Variants in WDR25 observed in about 807,000 individuals in gnomAD.
WDR25 encodes the protein WD repeat-containing protein 25.
A neutral mutation model predicts 47.7 loss-of-function variants in WDR25; 35 were observed. The observed-to-expected ratio is 0.73, with a 90% confidence interval of 0.56 to 0.97. The LOEUF (loss-of-function observed/expected upper bound fraction) is 0.97, where lower values mean the gene tolerates loss of function less well. WDR25 is among the 50% of genes least tolerant of loss of function. The probability of loss-of-function intolerance (pLI) is 0.00; values close to 1 mark genes in which losing one functional copy is unlikely to be tolerated. For missense variants in WDR25, 634 were observed against 704.7 expected, an observed-to-expected ratio of 0.90 and a Z score of 1.14; for synonymous variants, 248 against 278.9, an observed-to-expected ratio of 0.89 and a Z score of 1.10.
chr14:100,380,864 A>G, intron 1 of WDR25, 46 bp from the exon 2 acceptor site: 4 of 1,521,408 alleles, frequency 2.6e-6, no homozygotes, highest in Non-Finnish European at 3.6e-6. Flanking sequence ...CTACATACAT[A>G]TTCTTCCATG....
chr14:100,474,751 T>C (rs762826722), intron 3 of WDR25, among the ~76,000 whole-genome samples: 3 of 152,200 alleles, frequency 2.0e-5, no homozygotes, highest in South Asian at 2.1e-4. Flanking sequence ...ATTTTTTGGA[T>C]AGGACTTAAA....
intron 2 of WDR25, among the ~76,000 whole-genome samples, chr14:100,446,438 C>T (rs1052127896): frequency 6.0e-5 from 9 of 150,676 alleles, no homozygotes; most frequent in Non-Finnish European, 1.2e-4. Context: ...GTAATCCCAG[C>T]TACTTGGGAG....
chr14:100,470,252 G>A (rs896296786), intron 3 of WDR25, among the ~76,000 whole-genome samples: 1 of 152,172 alleles, frequency 6.6e-6, no homozygotes, highest in Non-Finnish European at 1.5e-5. Flanking sequence ...AAAGCAGGAT[G>A]TAATATGGGG....
rs556136264 is a variant in WDR25, at chr14:100,465,626, T to A, written c.823-2395T>A. Among the ~76,000 whole-genome samples, 21 of 152,388 alleles carry A rather than the reference T, an allele frequency of 1.4e-4. No homozygotes were observed. The East Asian group carries it at 4.0e-3, about 29-fold the overall frequency. On this transcript the variant is annotated intron_variant, in intron 2 of 6. Transcript: ENST00000402312. ...TTCATCCATCCATAGACACTTGGAT[T>A]ACTCCCCTCTTTTGGCTATTATTAA... is the stretch of plus-strand genomic sequence containing the variant.
At chr14:100,460,112 A>AT (rs35102087) in intron 2 of WDR25, among the ~76,000 whole-genome samples, 1,412 of 129,658 alleles carry the variant, frequency 0.011, 25 homozygotes, top group African/African-American at 0.029. Flanking sequence ...TAGATACAAA[A>AT]TTTTTTTTTT....
At chr14:100,520,514 A>G (rs1200069485) in intron 4 of WDR25, among the ~76,000 whole-genome samples, 2 of 152,204 alleles carry the variant, frequency 1.3e-5, no homozygotes, top group East Asian at 1.9e-4. Flanking sequence ...TTAATAATGT[A>G]TATTCAACTA....
intron 2 of WDR25, among the ~76,000 whole-genome samples, chr14:100,443,485 C>T (rs888520409): frequency 5.9e-5 from 9 of 152,172 alleles, no homozygotes. Flanking sequence ...CTCTGCTTTC[C>T]GTGCTAGCCG....
At chr14:100,526,284 G>A (rs1050973057) in intron 5 of WDR25, among the ~76,000 whole-genome samples, 2 of 152,148 alleles carry the variant, frequency 1.3e-5, no homozygotes, top group African/African-American at 2.4e-5. Flanking sequence ...AGGGTCTGGT[G>A]GGGGGCGGTT....
intron 2 of WDR25, among the ~76,000 whole-genome samples, chr14:100,460,326 A>T (rs1899366813): frequency 6.6e-6 from 1 of 151,974 alleles, no homozygotes; most frequent in Admixed American, 6.6e-5. Flanking sequence ...GTTAGCCAGG[A>T]TGGTCTTGAT....
chr14:100,457,174 C>T (rs1899232198), intron 2 of WDR25, among the ~76,000 whole-genome samples: 1 of 152,130 alleles, frequency 6.6e-6, no homozygotes, highest in Non-Finnish European at 1.5e-5. Flanking sequence ...AGGCTGGTCT[C>T]GAACCTCTGA....
intron 1 of WDR25, among the ~76,000 whole-genome samples, chr14:100,377,777 G>T (rs1389649851): frequency 2.6e-5 from 4 of 152,172 alleles, no homozygotes; most frequent in African/African-American, 7.2e-5. Context: ...TGGGGGAAAG[G>T]TGTGGAAGAG....
intron 2 of WDR25, among the ~76,000 whole-genome samples, chr14:100,431,181 G>A (rs1359298471): frequency 2.0e-5 from 3 of 152,154 alleles, no homozygotes; most frequent in Admixed American, 6.5e-5. Context: ...ATTGATTTGA[G>A]TATCTGTATC....
In WDR25 at chr14:100,519,683, CAT is replaced by C. The variant is rs903457823; in HGVS notation, c.1102-6183_1102-6182del. The stretch of plus-strand genomic sequence containing the variant: ...ATATACACATATAGTCTATATATAA[CAT>C]ATAATCATCTATATATAGTATATAT... On this transcript the variant is annotated intron_variant, in intron 4 of 6. Coordinates refer to ENST00000402312, the MANE Select transcript of WDR25 (RefSeq NM_001161476.3). Among the ~76,000 whole-genome samples the C allele has an allele frequency of 6.4e-4, 92 of 142,836 alleles. No individual in the cohort carries two copies. The Middle Eastern group carries it at 0.016, about 25-fold the overall frequency. The allele number at this position is 142,836 out of a possible 152,430, so 93.7% of individuals were successfully genotyped here. A position where few individuals can be genotyped will look rare whatever the true frequency, so the allele number is the denominator to read the frequency against.
chr14:100,483,235 A>C (rs1900265247), intron 3 of WDR25, among the ~76,000 whole-genome samples: 1 of 152,188 alleles, frequency 6.6e-6, no homozygotes, highest in Non-Finnish European at 1.5e-5. Flanking sequence ...GCTTACCTCT[A>C]AAAGATCATA....
In WDR25 at chr14:100,434,473, C is replaced by G. The variant is rs139290474; in HGVS notation, c.823-33548C>G. Among the ~76,000 whole-genome samples, 68 of 152,346 alleles carry G rather than the reference C, an allele frequency of 4.5e-4. 1 individual carries two copies. Among genetic ancestry groups the G allele is most frequent in the Admixed American group, 2.6e-4 (4 of 15,306 alleles). ...CAGAATTCAGTATTAGAGCTCTTTTCGACTTCAGACTGAGAGCATATAGTC... is the reference window on the plus strand; with the variant it reads ...CAGAATTCAGTATTAGAGCTCTTTTGGACTTCAGACTGAGAGCATATAGTC... On this transcript the variant is annotated intron_variant, in intron 2 of 6. Coordinates refer to ENST00000402312, the MANE Select transcript of WDR25 (RefSeq NM_001161476.3).
chr14:100,464,680 C>CCCCAT, intron 2 of WDR25, among the ~76,000 whole-genome samples: 1 of 145,644 alleles, frequency 6.9e-6, no homozygotes, highest in Non-Finnish European at 1.5e-5. Flanking sequence ...ATCTCCCCTA[C>CCCCAT]CTCATCTCCC....
chr14:100,491,831 G>C (rs987167115), intron 4 of WDR25, among the ~76,000 whole-genome samples: 2 of 152,188 alleles, frequency 1.3e-5, no homozygotes, highest in African/African-American at 4.8e-5. Flanking sequence ...TTTGTTCTGA[G>C]GGACCACAGC....
chr14:100,529,107 G>A lies in WDR25; in HGVS notation c.1312G>A (p.Glu438Lys). 1 of 1,577,860 alleles carries A rather than the reference G, an allele frequency of 6.3e-7. No homozygotes were observed. The highest frequency in any genetic ancestry group is 8.7e-7 in the Non-Finnish European group (1 of 1,154,162). ...TCPSLALHPR[E>K]PVFLAQTNGN... is the part of the protein sequence containing the mutation. ...CCCCAGCCTCGCCTTGCACCCGAGAGAGCCCGTGTTCCTGGCACAGACCAA... is the reference window on the plus strand; with the variant it reads ...CCCCAGCCTCGCCTTGCACCCGAGAAAGCCCGTGTTCCTGGCACAGACCAA... The change falls in exon 6 of 7, where the codon GAG (glutamate) becomes AAG (lysine). Residue 438 changes from glutamate (E) to lysine (K), a missense_variant. Transcript: ENST00000402312. This position sits in a 1 kb window ranked among gnomAD's most constrained non-coding sequence, Gnocchi z 5.1.
chr14:100,405,961 G>A (rs778131478), intron 2 of WDR25, among the ~76,000 whole-genome samples: 5 of 152,188 alleles, frequency 3.3e-5, no homozygotes, highest in East Asian at 1.9e-4. Flanking sequence ...CAATCAATCC[G>A]TTTCTTGACT....
Sources: allele counts gnomAD v4.1 joint callset (sites outside exome capture counted in the v4.1 genomes callset), GRCh38; gene constraint gnomAD v4.1.1; non-coding constraint Gnocchi (gnomAD v3.1); transcripts MANE v1.5; gene names NCBI Gene and HGNC (gene_info 2026-07-23, HGNC 2026-07-21).